SCEL: variants seen among roughly 807,000 people sequenced by gnomAD.
The protein encoded by SCEL is sciellin.
SCEL carries 113 observed loss-of-function variants against 117.6 expected under a neutral mutation model. That is an observed-to-expected ratio of 0.96 (90% CI 0.83 to 1.12). SCEL has a LOEUF of 1.12. Among genes scored for constraint, SCEL ranks in the 50% most tolerant of loss-of-function variants. The pLI, the probability that SCEL is intolerant of heterozygous loss-of-function variation, is 0.00. For synonymous variants in SCEL, 270 were observed against 256.2 expected (o/e 1.05, Z -0.51); for missense variants, 785 against 810.8 (o/e 0.97, Z 0.39).
At chr13:77,609,443 G>C (rs1027659253) in intron 21 of SCEL, among the ~76,000 whole-genome samples, 5 of 152,212 alleles carry the variant, frequency 3.3e-5, no homozygotes, top group Non-Finnish European at 7.3e-5. Context: ...CCCCATAGTT[G>C]TGGGTCTAGG....
rs753538954 is a variant in SCEL, at chr13:77,567,658, TTTGTC to T, written c.291-17_291-13del. The T allele has an allele frequency of 6.4e-7, 1 of 1,561,274 alleles. No homozygotes were observed. Among genetic ancestry groups the T allele is most frequent in the Non-Finnish European group, 8.8e-7 (1 of 1,135,620 alleles). On this transcript the variant is annotated splice_polypyrimidine_tract_variant and intron_variant, in intron 5 of 32. Transcript: ENST00000349847. ...GATAATTTAAATATTTATCCAGACTTTTGTCTTGTTTCTTTATAAAGGATCTCAGA... is the reference window on the plus strand; with the variant it reads ...GATAATTTAAATATTTATCCAGACTTTTGTTTCTTTATAAAGGATCTCAGA...
chr13:77,558,536 G>T (rs938109030), intron 3 of SCEL, among the ~76,000 whole-genome samples: 3 of 152,144 alleles, frequency 2.0e-5, no homozygotes, highest in African/African-American at 7.2e-5. Context: ...ACCGGAGGCC[G>T]GGCGTGGTGG....
In SCEL at chr13:77,644,967, A is replaced by G. The variant is rs146972150; in HGVS notation, c.*693A>G. On this transcript the variant is annotated 3_prime_UTR_variant, in exon 33 of 33. Coordinates refer to ENST00000349847, the MANE Select transcript of SCEL (RefSeq NM_144777.3). ...CTATTGAACTAGGTAGGACATATAA[A>G]CAATTTAATTTTAGTGTCATTGTTT... 3.3e-4 allele frequency: 51 copies of G among 152,304 alleles called. 2 individuals carry two copies. In the East Asian group the frequency reaches 8.9e-3, roughly 26 times the overall value. 9.4% of individuals were successfully genotyped at this position (152,304 alleles called of 1,614,324 possible).
intron 22 of SCEL, 112 bp downstream of exon 22, chr13:77,610,218 C>T (rs534224226): frequency 6.1e-5 from 37 of 605,388 alleles, no homozygotes; most frequent in African/African-American, 4.1e-4. Context: ...TTTAGGAGGC[C>T]GAGGCGGGAG....
At chr13:77,547,190 C>A (rs371874793) in intron 1 of SCEL, among the ~76,000 whole-genome samples, 1 of 152,070 alleles carries the variant, frequency 6.6e-6, no homozygotes, top group East Asian at 1.9e-4. Flanking sequence ...CCACACCCAG[C>A]CCCCCAAAAA....
chr13:77,627,867 T>A (rs1388808385), intron 27 of SCEL, 80 bp from the exon 28 acceptor site: 2 of 506,984 alleles, frequency 3.9e-6, no homozygotes, highest in Non-Finnish European at 3.3e-6. Context: ...GATTATGTAC[T>A]GATTTTAAAA....
chr13:77,599,303 G>A, intron 13 of SCEL, 26 bp from the exon 14 acceptor site: 1 of 1,569,090 alleles, frequency 6.4e-7, no homozygotes, highest in Non-Finnish European at 8.7e-7. Context: ...CACTGATGAG[G>A]CTTTTTTAAA....
chr13:77,546,251 C>A (rs2083983553), intron 1 of SCEL, among the ~76,000 whole-genome samples: 2 of 152,192 alleles, frequency 1.3e-5, no homozygotes, highest in Non-Finnish European at 2.9e-5. Flanking sequence ...GGACTCCAGG[C>A]ATTTCTCTGA....
rs1360842645 is a variant in SCEL at position 77,642,689 on chromosome 13, T to C, written c.1948-17T>C. The C allele has an allele frequency of 4.3e-6, 6 of 1,391,350 alleles. No individual in the cohort carries two copies. Among genetic ancestry groups the C allele is most frequent in the Admixed American group, 1.9e-5 (1 of 52,600 alleles). The allele number at this position is 1,391,350 out of a possible 1,614,324, so 86.2% of individuals were successfully genotyped here. On this transcript the variant is annotated splice_polypyrimidine_tract_variant and intron_variant, in intron 31 of 32. Coordinates refer to ENST00000349847, the MANE Select transcript of SCEL (RefSeq NM_144777.3). ...TCATTTACAATGGAAACTTTATATA[T>C]GTATTTTTTTCTTTAGTGTGAAATA...
At chr13:77,555,813 C>T in intron 1 of SCEL, 44 bp from the exon 2 acceptor site, 1 of 1,278,382 alleles carries the variant, frequency 7.8e-7, no homozygotes, top group South Asian at 1.2e-5. Context: ...TACAGGTTCT[C>T]AGAGTCATTG....
intron 1 of SCEL, among the ~76,000 whole-genome samples, chr13:77,548,199 G>T (rs2084100698): frequency 1.3e-5 from 2 of 152,334 alleles, no homozygotes. Flanking sequence ...AACCTTTTAA[G>T]ATTGCTATAA....
chr13:77,543,292 C>T (rs951875093), intron 1 of SCEL, among the ~76,000 whole-genome samples: 1 of 151,616 alleles, frequency 6.6e-6, no homozygotes, highest in East Asian at 1.9e-4. Context: ...ACCGTTTTAG[C>T]CGGGATGGTC....
intron 30 of SCEL, among the ~76,000 whole-genome samples, chr13:77,638,298 C>T (rs568343270): frequency 2.6e-5 from 4 of 152,156 alleles, no homozygotes; most frequent in Admixed American, 2.6e-4. Flanking sequence ...GAGTGTCTTG[C>T]CTGTAAGTCA....
chr13:77,544,257 C>CT (rs1267074333), intron 1 of SCEL, among the ~76,000 whole-genome samples: 1 of 152,150 alleles, frequency 6.6e-6, no homozygotes, highest in Non-Finnish European at 1.5e-5. Context: ...TGCTGCACAT[C>CT]TTTTTTTCTT....
intron 1 of SCEL, among the ~76,000 whole-genome samples, chr13:77,550,389 T>TATATATATATATATATATATATATA (rs1295660119): frequency 1.8e-3 from 1 of 570 alleles, no homozygotes; most frequent in African/African-American, 3.4e-3. Context: ...TTGTCTAAAA[T>TATATATATATATATATATATATATA]ATATATATAT....
At chr13:77,556,514 C>T in intron 2 of SCEL, 82 bp from the exon 3 acceptor site, 3 of 1,101,972 alleles carry the variant, frequency 2.7e-6, no homozygotes, top group Admixed American at 1.7e-5. Context: ...ATCAGATGTG[C>T]CTCTCAGGAT....
intron 27 of SCEL, among the ~76,000 whole-genome samples, chr13:77,627,362 C>A (rs1234892353): frequency 6.6e-6 from 1 of 152,118 alleles, no homozygotes; most frequent in Non-Finnish European, 1.5e-5. Flanking sequence ...AGATAGTACT[C>A]ATTAAATGTT....
chr13:77,571,990 A>G, intron 8 of SCEL, 134 bp from the exon 9 acceptor site: 1 of 711,104 alleles, frequency 1.4e-6, no homozygotes, highest in South Asian at 1.6e-5. Context: ...TACTTCATTT[A>G]TGAAATAGTG....
At chr13:77,607,915 C>T (rs140749289) in intron 19 of SCEL, 141 bp from the exon 20 acceptor site, 20 of 559,928 alleles carry the variant, frequency 3.6e-5, no homozygotes, top group African/African-American at 3.2e-4. Context: ...CTTTCACAAT[C>T]TTCAGTCTTC....
Sources: allele counts gnomAD v4.1 joint callset (sites outside exome capture counted in the v4.1 genomes callset), GRCh38; gene constraint gnomAD v4.1.1; transcripts MANE v1.5; gene names NCBI Gene and HGNC (gene_info 2026-07-23, HGNC 2026-07-21).